MAPRE2: variants seen among roughly 807,000 people sequenced by gnomAD.
The protein encoded by MAPRE2 is microtubule associated protein RP/EB family member 2.
MAPRE2 carries 13 observed loss-of-function variants against 43.2 expected under a neutral mutation model. That is an observed-to-expected ratio of 0.30 (90% CI 0.20 to 0.48). MAPRE2 has a LOEUF of 0.48. Ranked by LOEUF, MAPRE2 falls within the 20% of genes least tolerant of loss-of-function variation. MAPRE2 has a pLI of 0.99. For missense variants in MAPRE2, 161 were observed against 400.2 expected (o/e 0.40, Z 5.10); for synonymous variants, 135 against 148.8 (o/e 0.91, Z 0.68).
chr18:35,128,843 C>T (rs1004758006), intron 5 of MAPRE2, among the ~76,000 whole-genome samples: 13 of 152,174 alleles, frequency 8.5e-5, no homozygotes, highest in African/African-American at 2.9e-4. Context: ...AAAGTATAAC[C>T]ACGTGGAAAC....
At chr18:35,099,667 T>C (rs1404445352) in intron 3 of MAPRE2, among the ~76,000 whole-genome samples, 1 of 152,182 alleles carries the variant, frequency 6.6e-6, no homozygotes, top group East Asian at 1.9e-4. Flanking sequence ...TGGCAGGAAT[T>C]CTTCCTTGTA....
At chr18:35,049,411 G>T (rs1243890090) in intron 1 of MAPRE2, among the ~76,000 whole-genome samples, 1 of 152,126 alleles carries the variant, frequency 6.6e-6, no homozygotes, top group Non-Finnish European at 1.5e-5. Context: ...CCACTCTTGG[G>T]TTTTACACAA....
chr18:35,111,547 T>C (rs1569007966), intron 4 of MAPRE2, among the ~76,000 whole-genome samples: 1 of 152,210 alleles, frequency 6.6e-6, no homozygotes, highest in Non-Finnish European at 1.5e-5. Context: ...GTTATATTGC[T>C]GTAAAGAGGG....
intron 4 of MAPRE2, among the ~76,000 whole-genome samples, chr18:35,117,594 G>A (rs2144216770): frequency 6.6e-6 from 1 of 152,276 alleles, no homozygotes; most frequent in African/African-American, 2.4e-5. Context: ...TGCCCAGTGG[G>A]CTGGCTCAGT....
At position 35,127,044 on chromosome 18, in the gene MAPRE2, C is replaced by G. The variant is rs1241232090; in HGVS notation, c.707C>G (p.Ser236Cys). Residue 236 changes from serine (S) to cysteine (C), a missense_variant, in exon 5 of 7, where the codon TCC (serine) becomes TGC (cysteine). Ser to Cys is a moderately radical substitution (Grantham distance 112). Around this residue, in one of 2 missense-constraint regions of MAPRE2, gnomAD observed 96 missense variants for 153.3 expected, o/e 0.63. Coordinates refer to ENST00000300249, the MANE Select transcript of MAPRE2 (RefSeq NM_014268.4). The part of the protein sequence containing the change: ...RASSSGSASK[S>C]DKDLETQVIQ... ...TCTTCCAGTGGCTCAGCATCCAAAT[C>G]CGATAAAGATTTAGAAACGCAGGTC... 2.5e-6 allele frequency: 4 copies of G among 1,614,088 alleles called. No individual in the cohort carries two copies.
chr18:35,086,097 T>C (rs962207387), intron 2 of MAPRE2, among the ~76,000 whole-genome samples: 5 of 152,160 alleles, frequency 3.3e-5, no homozygotes, highest in Non-Finnish European at 5.9e-5. Flanking sequence ...CCCTCAGTGA[T>C]ATAGGCATCT....
intron 1 of MAPRE2, among the ~76,000 whole-genome samples, chr18:35,048,040 G>A (rs1003591476): frequency 6.6e-6 from 1 of 152,218 alleles, no homozygotes; most frequent in African/African-American, 2.4e-5. Context: ...CATGGCAAGA[G>A]GTTTAATTGG....
chr18:35,061,894 G>T (rs1198591812), intron 1 of MAPRE2, among the ~76,000 whole-genome samples: 1 of 152,180 alleles, frequency 6.6e-6, no homozygotes, highest in East Asian at 1.9e-4. Flanking sequence ...AATCTAGAAT[G>T]ATCTGGTGAT....
At chr18:35,090,210 A>T (rs949760238) in intron 2 of MAPRE2, among the ~76,000 whole-genome samples, 10 of 152,200 alleles carry the variant, frequency 6.6e-5, no homozygotes, top group African/African-American at 2.2e-4. Flanking sequence ...GCTGGAATTA[A>T]ATAGTGGCAA....
chr18:34,982,450 C>T (rs1157363321), intron 1 of MAPRE2, among the ~76,000 whole-genome samples: 1 of 152,140 alleles, frequency 6.6e-6, no homozygotes, highest in Non-Finnish European at 1.5e-5. Context: ...TTGCAGCATT[C>T]ACCTATTGGA....
Position 35,082,126 on chromosome 18 carries a change from T to TA in MAPRE2, c.250+11809dup, listed in dbSNP as rs561631469. 1.8e-5 allele frequency: 2 copies of TA among 113,250 alleles called. 1 individual carries two copies. The highest frequency in any genetic ancestry group is 1.2e-4 in the African/African-American group (2 of 17,284). The allele number at this position is 113,250 out of a possible 1,614,324, so 7.0% of individuals were successfully genotyped here. A position where few individuals can be genotyped will look rare whatever the true frequency, so the allele number is the denominator to read the frequency against. Reference sequence around the variant, plus strand: ...TAAAACGGTGAAACCCCGTCTCTACTAAAAATACAAAAAATTAGCCGGGCG... The same window carrying TA: ...TAAAACGGTGAAACCCCGTCTCTACTAAAAAATACAAAAAATTAGCCGGGCG... On this transcript the variant is annotated intron_variant, in intron 2 of 6. Coordinates refer to ENST00000300249, the MANE Select transcript of MAPRE2 (RefSeq NM_014268.4).
At chr18:35,055,384 G>C (rs550211217) in intron 1 of MAPRE2, among the ~76,000 whole-genome samples, 1 of 152,072 alleles carries the variant, frequency 6.6e-6, no homozygotes, top group Non-Finnish European at 1.5e-5. Context: ...TTTTTACATG[G>C]TCGTCTTTTA....
rs965888109 is a variant in MAPRE2, at chr18:34,979,615, G to T, written c.-70+2536G>T. Among the ~76,000 whole-genome samples the T allele has an allele frequency of 3.6e-4, 55 of 151,842 alleles. 1 individual carries two copies. Among genetic ancestry groups the T allele is most frequent in the African/African-American group, 1.3e-3 (53 of 41,304 alleles). On this transcript the variant is annotated intron_variant, in intron 1 of 7. Transcript: ENST00000413393. ...CTGTTGGGAAAGTGTAAACTGGTTT[G>T]GGTTATTTCAGTTATGTGAAGCAGA...
intron 2 of MAPRE2, among the ~76,000 whole-genome samples, chr18:35,097,236 G>T (rs1908468978): frequency 6.6e-6 from 1 of 152,198 alleles, no homozygotes; most frequent in Non-Finnish European, 1.5e-5. Context: ...GGGTTGGGAA[G>T]TGGCAGGTGC....
chr18:35,059,904 A>G (rs1407551518), intron 1 of MAPRE2, among the ~76,000 whole-genome samples: 1 of 152,206 alleles, frequency 6.6e-6, no homozygotes. Flanking sequence ...GAAGTACCTG[A>G]GAAGGAACTA....
chr18:35,036,591 T>C (rs994145032), upstream of MAPRE2, among the ~76,000 whole-genome samples: 3 of 152,312 alleles, frequency 2.0e-5, no homozygotes, highest in African/African-American at 7.2e-5. Flanking sequence ...TACCTCTGTA[T>C]GTAGGAATAG....
chr18:35,072,557 CAAATG>C (rs2144108438), intron 2 of MAPRE2, among the ~76,000 whole-genome samples: 1 of 152,150 alleles, frequency 6.6e-6, no homozygotes, highest in South Asian at 2.1e-4. Flanking sequence ...TTTTTGGTAG[CAAATG>C]AAATAAGAAC....
At chr18:35,040,676 A>C (rs1159930415), upstream of MAPRE2, among the ~76,000 whole-genome samples, 1 of 152,234 alleles carries the variant, frequency 6.6e-6, no homozygotes, top group African/African-American at 2.4e-5. Flanking sequence ...TGAATTAATG[A>C]TCTGTATCAG....
At chr18:35,137,689 C>T (rs1212874837) in intron 6 of MAPRE2, among the ~76,000 whole-genome samples, 2 of 152,244 alleles carry the variant, frequency 1.3e-5, no homozygotes, top group African/African-American at 4.8e-5. Flanking sequence ...CAATATAACT[C>T]ACCGTGGAGG....
Sources: allele counts gnomAD v4.1 joint callset (sites outside exome capture counted in the v4.1 genomes callset), GRCh38; gene constraint gnomAD v4.1.1; regional missense constraint gnomAD v4.1.1; transcripts MANE v1.5; gene names NCBI Gene and HGNC (gene_info 2026-07-23, HGNC 2026-07-21).